DNAJC1: variants seen among roughly 807,000 people sequenced by gnomAD.
DNAJC1 encodes DnaJ heat shock protein family (Hsp40) member C1.
A neutral mutation model predicts 76.6 loss-of-function variants in DNAJC1; 58 were observed. The observed-to-expected ratio is 0.76, with a 90% CI of 0.61 to 0.94. The LOEUF (loss-of-function observed/expected upper bound fraction) is 0.94, where lower values mean the gene tolerates loss of function less well. Ranked by LOEUF, DNAJC1 falls within the 40% of genes least tolerant of loss-of-function variation. DNAJC1 has a pLI of 0.00. For synonymous variants in DNAJC1, 258 were observed against 267.9 expected, an observed-to-expected ratio of 0.96 and a Z score of 0.36; for missense variants, 689 against 677.3, an observed-to-expected ratio of 1.02 and a Z score of -0.19.
intron 10 of DNAJC1, among the ~76,000 whole-genome samples, chr10:21,763,075 C>T (rs751465459): frequency 2.0e-5 from 3 of 152,182 alleles, no homozygotes; most frequent in Non-Finnish European, 4.4e-5. Flanking sequence ...AGACCACAGG[C>T]ATGGGCCACA....
At chr10:21,770,542 C>T (rs531211657) in intron 9 of DNAJC1, among the ~76,000 whole-genome samples, 10 of 152,136 alleles carry the variant, frequency 6.6e-5, no homozygotes, top group Admixed American at 5.2e-4. Context: ...GGACTACAGG[C>T]ATGTGCCAAG....
chr10:21,863,036 G>A (rs941250629), intron 8 of DNAJC1, among the ~76,000 whole-genome samples: 2 of 152,086 alleles, frequency 1.3e-5, no homozygotes, highest in African/African-American at 2.4e-5. Flanking sequence ...GGAGGCTGAC[G>A]CAGGAGAATC....
At chr10:21,924,462 T>G (rs1837088558) in intron 3 of DNAJC1, among the ~76,000 whole-genome samples, 1 of 152,130 alleles carries the variant, frequency 6.6e-6, no homozygotes, top group Non-Finnish European at 1.5e-5. Flanking sequence ...TAAAAATTCG[T>G]AATAGATTTT....
At chr10:21,848,148 C>T (rs994585501) in intron 8 of DNAJC1, among the ~76,000 whole-genome samples, 12 of 152,094 alleles carry the variant, frequency 7.9e-5, no homozygotes, top group African/African-American at 2.9e-4. Flanking sequence ...ATAACAGTCA[C>T]TTTAACTGGG....
intron 8 of DNAJC1, among the ~76,000 whole-genome samples, chr10:21,851,837 T>C (rs1564807956): frequency 6.6e-6 from 1 of 151,864 alleles, no homozygotes; most frequent in Non-Finnish European, 1.5e-5. Flanking sequence ...GGTGGATCAC[T>C]AGGGCAGGAG....
intron 8 of DNAJC1, among the ~76,000 whole-genome samples, chr10:21,843,356 C>T (rs1835602281): frequency 6.6e-6 from 1 of 151,678 alleles, no homozygotes; most frequent in East Asian, 1.9e-4. Context: ...TAATCAAAAT[C>T]CCAGATTTAA....
At chr10:21,852,669 T>A (rs1327255883) in intron 8 of DNAJC1, among the ~76,000 whole-genome samples, 1 of 152,144 alleles carries the variant, frequency 6.6e-6, no homozygotes, top group African/African-American at 2.4e-5. Flanking sequence ...CTGGCAACAT[T>A]TACCAGACGT....
chr10:21,993,386 C>G (rs1206952626), intron 1 of DNAJC1, among the ~76,000 whole-genome samples: 1 of 152,138 alleles, frequency 6.6e-6, no homozygotes, highest in Admixed American at 6.5e-5. Flanking sequence ...ACTGTTAAGG[C>G]TGCTCAAGGC....
chr10:21,880,292 A>G (rs1836253676), intron 8 of DNAJC1, among the ~76,000 whole-genome samples: 1 of 152,168 alleles, frequency 6.6e-6, no homozygotes, highest in Non-Finnish European at 1.5e-5. Context: ...ACTTCTTCTA[A>G]TCTCCTGTTA....
At chr10:21,829,061 T>C (rs981110115) in intron 8 of DNAJC1, among the ~76,000 whole-genome samples, 12 of 152,118 alleles carry the variant, frequency 7.9e-5, no homozygotes, top group African/African-American at 2.9e-4. Context: ...AGATGGAGCT[T>C]TGCTATGTTC....
rs369481005 is a variant in DNAJC1 at position 21,906,182 on chromosome 10, G to A, written c.730-1570C>T. On this transcript the variant is annotated intron_variant, in intron 6 of 11. Transcript: ENST00000376980. ...TAATTCTTTTCATCCCCACTTTTAT[G>A]TTCCTACCTCATTTCTATGAGGATT... Among the ~76,000 whole-genome samples, 6 of 152,042 alleles carry A rather than the reference G, an allele frequency of 3.9e-5. No homozygotes were observed. The East Asian group carries it at 9.7e-4, about 25-fold the overall frequency.
At chr10:21,803,285 AC>A (rs796745646) in intron 9 of DNAJC1, among the ~76,000 whole-genome samples, 20 of 152,286 alleles carry the variant, frequency 1.3e-4, no homozygotes, top group African/African-American at 4.3e-4. Flanking sequence ...CGGTCAAAGA[AC>A]AGCTGTGCAA....
At position 21,843,340 on chromosome 10, in the gene DNAJC1, T is replaced by G. The variant is rs578166981; in HGVS notation, c.979-37241A>C. ...TCAAATCAAAGAATGCAGTGCTGACTTCTAATAATCAAAATCCCAGATTTA... is the reference window on the plus strand; with the variant it reads ...TCAAATCAAAGAATGCAGTGCTGACGTCTAATAATCAAAATCCCAGATTTA... On this transcript the variant is annotated intron_variant, in intron 8 of 11. Coordinates refer to ENST00000376980, the MANE Select transcript of DNAJC1 (RefSeq NM_022365.4). 5.3e-5 allele frequency among the ~76,000 whole-genome samples: 8 copies of G among 152,250 alleles called. No homozygotes were observed. In the South Asian group the frequency reaches 1.7e-3, roughly 32 times the overall value.
rs193292377 is a variant in DNAJC1, at chr10:21,816,789, C to T, written c.979-10690G>A. ...CTCGATCTCCTGACCTCGTGATCCA[C>T]CCGCCTTGGCCTCCCAAAGTGCTGG... On this transcript the variant is annotated intron_variant, in intron 8 of 11. Coordinates refer to ENST00000376980, the MANE Select transcript of DNAJC1 (RefSeq NM_022365.4). Among the ~76,000 whole-genome samples the T allele has an allele frequency of 7.6e-4, 110 of 144,268 alleles. 1 individual carries two copies. Among genetic ancestry groups the T allele is most frequent in the Non-Finnish European group, 1.3e-3 (87 of 65,534 alleles). 94.6% of individuals were successfully genotyped at this position (144,268 alleles called of 152,430 possible).
chr10:21,759,364 G>T lies in DNAJC1; in HGVS notation c.1402C>A (p.Gln468Lys). 1.2e-6 allele frequency: 2 copies of T among 1,614,174 alleles called. No homozygotes were observed. Among genetic ancestry groups the T allele is most frequent in the Admixed American group, 3.3e-5 (2 of 60,026 alleles). The change falls in exon 11 of 12, where the codon CAG becomes AAG. Residue 468 changes from glutamine to lysine, a missense_variant. By Grantham distance (53) the Gln-to-Lys change is moderately conservative. Coordinates refer to ENST00000376980, the MANE Select transcript of DNAJC1 (RefSeq NM_022365.4). ...TGTTCTGCTATGTCAAAGTCCTTCT[G>T]CCGCTTGGCTCTGGACTTCTCCTCT... ...EPEEKSRAKR[Q>K]KDFDIAEQNE...
chr10:21,783,255 T>A (rs908889625), intron 9 of DNAJC1, among the ~76,000 whole-genome samples: 1 of 152,122 alleles, frequency 6.6e-6, no homozygotes, highest in African/African-American at 2.4e-5. Flanking sequence ...TATACACCAA[T>A]AACAGACAAA....
chr10:21,947,781 A>C (rs930531611), intron 1 of DNAJC1, among the ~76,000 whole-genome samples: 2 of 152,150 alleles, frequency 1.3e-5, no homozygotes, highest in Admixed American at 6.5e-5. Flanking sequence ...TTGTTTCCTC[A>C]GATGAATTTT....
intron 10 of DNAJC1, among the ~76,000 whole-genome samples, chr10:21,762,480 T>C (rs1423603621): frequency 6.6e-6 from 1 of 152,258 alleles, no homozygotes; most frequent in Non-Finnish European, 1.5e-5. Flanking sequence ...AGGATACATC[T>C]ATCCACATGT....
At chr10:21,773,510 T>C (rs773767907) in intron 9 of DNAJC1, among the ~76,000 whole-genome samples, 1 of 152,210 alleles carries the variant, frequency 6.6e-6, no homozygotes, top group Non-Finnish European at 1.5e-5. Context: ...ATTATTTCTA[T>C]CCTTTTAAAC....
Sources: gnomAD v4.1 joint callset for allele counts (sites outside exome capture counted in the v4.1 genomes callset) on GRCh38, gnomAD v4.1.1 for gene constraint, MANE v1.5 for transcripts, NCBI Gene and HGNC (gene_info 2026-07-23, HGNC 2026-07-21) for gene names.